EGFR: variants seen among roughly 807,000 people sequenced by gnomAD.
EGFR encodes avian erythroblastic leukemia viral (v-erb-b) oncogene homolog.
Under a neutral mutation model 143.0 loss-of-function variants are expected in EGFR, and 58 were observed. That is an observed-to-expected ratio of 0.41 (90% confidence interval 0.33 to 0.50). The LOEUF (loss-of-function observed/expected upper bound fraction) is 0.50. Among genes scored for constraint, EGFR ranks in the 20% least tolerant of loss-of-function variants. The pLI is 0.39. For synonymous variants in EGFR, 613 were observed against 594.4 expected (o/e 1.03, Z -0.45); for missense variants, 1,307 against 1,579.0 (o/e 0.83, Z 2.92).
chr7:55,201,125 T>C, intron 24 of EGFR, 63 bp from the exon 25 acceptor site: 4 of 1,609,780 alleles, frequency 2.5e-6, no homozygotes, highest in Non-Finnish European at 3.4e-6. Context: ...CCTGCTCCTA[T>C]AGCCAAGAAG....
intron 1 of EGFR, among the ~76,000 whole-genome samples, chr7:55,042,013 T>C (rs1787924899): frequency 6.6e-6 from 1 of 152,174 alleles, no homozygotes; most frequent in South Asian, 2.1e-4. Flanking sequence ...TCTTTCTCTG[T>C]ATATGTATTT....
chr7:55,199,355 T>G (rs1315084453), intron 23 of EGFR, among the ~76,000 whole-genome samples: 2 of 152,252 alleles, frequency 1.3e-5, no homozygotes, highest in African/African-American at 4.8e-5. Flanking sequence ...TGTAATTTGA[T>G]TGATGCTATT....
chr7:55,082,667 C>T (rs920047411), intron 1 of EGFR, among the ~76,000 whole-genome samples: 11 of 152,294 alleles, frequency 7.2e-5, no homozygotes, highest in East Asian at 3.9e-4. Flanking sequence ...CCTGTGGCTC[C>T]GGGCAGCAGC....
intron 19 of EGFR, among the ~76,000 whole-genome samples, chr7:55,176,352 T>A (rs528287630): frequency 6.6e-6 from 1 of 152,320 alleles, no homozygotes; most frequent in African/African-American, 2.4e-5. Context: ...GGAGGAAATA[T>A]GCTTCTGTGG....
chr7:55,058,832 T>TA (rs2128877873), intron 1 of EGFR, among the ~76,000 whole-genome samples: 1 of 152,274 alleles, frequency 6.6e-6, no homozygotes, highest in African/African-American at 2.4e-5. Context: ...CCCCTGAACT[T>TA]AAAAAAATTT....
Position 55,160,274 on chromosome 7 carries a change from A to G in EGFR, c.1434A>G (p.Lys478=), listed in dbSNP as rs1785629921. ...NLCYANTINW[K]KLFGTSGQKT... ...GCTATGCAAATACAATAAACTGGAA[A>G]AAACTGTTTGGGACCTCCGGTCAGA... Residue 478 remains lysine, a synonymous_variant, in exon 12 of 28, where the codon AAA becomes AAG. Transcript: ENST00000275493. 1.2e-6 allele frequency: 2 copies of G among 1,614,104 alleles called. No individual in the cohort carries two copies. The highest frequency in any genetic ancestry group is 4.5e-5 in the East Asian group (2 of 44,880).
intron 20 of EGFR, among the ~76,000 whole-genome samples, chr7:55,186,936 C>T (rs922551411): frequency 1.3e-5 from 2 of 152,206 alleles, no homozygotes; most frequent in Non-Finnish European, 2.9e-5. Flanking sequence ...TAGCAGTGAA[C>T]AAGCCAGATG....
Position 55,206,223 on chromosome 7 carries a change from C to T in EGFR, c.*606C>T, listed in dbSNP as rs1004459251. On this transcript the variant is annotated 3_prime_UTR_variant, in exon 28 of 28. Transcript: ENST00000275493. ...GTACAGTAGGATAAGCCACTCTGTC[C>T]CTTCCTGGGCAAAGAAGAAACGGAG... The T allele has an allele frequency of 4.2e-6, 1 of 237,866 alleles. No homozygotes were observed. The highest frequency in any genetic ancestry group is 8.3e-6 in the Non-Finnish European group (1 of 121,084). 14.7% of individuals were successfully genotyped at this position (237,866 alleles called of 1,614,324 possible). A position where few individuals can be genotyped will look rare whatever the true frequency, so the allele number is the denominator to read the frequency against.
chr7:55,137,702 C>T (rs1188097789), intron 1 of EGFR, among the ~76,000 whole-genome samples: 2 of 152,218 alleles, frequency 1.3e-5, no homozygotes, highest in African/African-American at 4.8e-5. Flanking sequence ...CTCAAAACTA[C>T]TGTGCTGTGA....
intron 19 of EGFR, among the ~76,000 whole-genome samples, chr7:55,178,198 T>C (rs1786688386): frequency 6.6e-6 from 1 of 152,224 alleles, no homozygotes; most frequent in Admixed American, 6.5e-5. Context: ...CAACCAGATC[T>C]TGAGAAAATA....
chr7:55,068,852 C>A (rs544524181), intron 1 of EGFR, among the ~76,000 whole-genome samples: 1 of 152,260 alleles, frequency 6.6e-6, no homozygotes, highest in Admixed American at 6.5e-5. Flanking sequence ...TCCACACCAA[C>A]TTTAGGAATG....
intron 1 of EGFR, among the ~76,000 whole-genome samples, chr7:55,132,677 G>A (rs1006126487): frequency 6.6e-6 from 1 of 152,098 alleles, no homozygotes; most frequent in South Asian, 2.1e-4. Context: ...TCTTTCTGAC[G>A]TGTGTTCCTT....
At chr7:55,120,227 C>T (rs1368147547) in intron 1 of EGFR, among the ~76,000 whole-genome samples, 1 of 152,212 alleles carries the variant, frequency 6.6e-6, no homozygotes, top group African/African-American at 2.4e-5. Flanking sequence ...ACACAGCCTG[C>T]TCTCCAGTGT....
At chr7:55,118,463 G>T (rs1015479521) in intron 1 of EGFR, among the ~76,000 whole-genome samples, 2 of 152,194 alleles carry the variant, frequency 1.3e-5, no homozygotes, top group Non-Finnish European at 2.9e-5. Context: ...CAGAGTGGTA[G>T]AAGCAGGTGG....
At chr7:55,127,864 T>C (rs1207589447) in intron 1 of EGFR, among the ~76,000 whole-genome samples, 1 of 152,188 alleles carries the variant, frequency 6.6e-6, no homozygotes, top group Non-Finnish European at 1.5e-5. Flanking sequence ...AATATGTCCA[T>C]TTCACCAGGC....
At chr7:55,125,607 T>C (rs559908538) in intron 1 of EGFR, among the ~76,000 whole-genome samples, 1 of 152,338 alleles carries the variant, frequency 6.6e-6, no homozygotes, top group Non-Finnish European at 1.5e-5. Context: ...CTGTCTGTTT[T>C]GAGAAAATTG....
At chr7:55,109,885 C>T in intron 1 of EGFR, 1 of 985,590 alleles carries the variant, frequency 1.0e-6, no homozygotes, top group African/African-American at 1.7e-5. Flanking sequence ...GGGCTGCTGG[C>T]TGGTTGTGCA....
chr7:55,025,584 G>A (rs551458714), intron 1 of EGFR, among the ~76,000 whole-genome samples: 1 of 152,336 alleles, frequency 6.6e-6, no homozygotes, highest in South Asian at 2.1e-4. Flanking sequence ...CCAGGAGGCA[G>A]TAGAATACGG....
intron 1 of EGFR, among the ~76,000 whole-genome samples, chr7:55,075,284 G>A (rs1344860097): frequency 6.6e-6 from 1 of 152,016 alleles, no homozygotes; most frequent in Non-Finnish European, 1.5e-5. Context: ...AAGGCCTCCA[G>A]CTTCCTCCAC....
Sources: gnomAD v4.1 joint callset for allele counts (sites outside exome capture counted in the v4.1 genomes callset) on GRCh38, gnomAD v4.1.1 for gene constraint, MANE v1.5 for transcripts, NCBI Gene and HGNC (gene_info 2026-07-23, HGNC 2026-07-21) for gene names.